DACH1: variants seen among roughly 807,000 people sequenced by gnomAD.
The protein encoded by DACH1 is dachshund homolog 1.
A neutral mutation model predicts 54.2 loss-of-function variants in DACH1; 12 were observed. The observed-to-expected ratio is 0.22, with a 90% CI of 0.14 to 0.36. The LOEUF (loss-of-function observed/expected upper bound fraction) is 0.36. Among genes scored for constraint, DACH1 ranks in the 10% least tolerant of loss-of-function variants. The pLI, the probability that DACH1 is intolerant of heterozygous loss-of-function variation, is 1.00. For missense variants in DACH1, 805 were observed against 929.8 expected (o/e 0.87, Z 1.75); for synonymous variants, 386 against 366.2 (o/e 1.05, Z -0.62).
intron 6 of DACH1, among the ~76,000 whole-genome samples, chr13:71,554,407 G>A (rs1884104747): frequency 6.6e-6 from 1 of 152,012 alleles, no homozygotes; most frequent in South Asian, 2.1e-4. Context: ...AAAATATTGG[G>A]AAACTGTCGG....
intron 1 of DACH1, among the ~76,000 whole-genome samples, chr13:71,769,719 T>C (rs1204063624): frequency 1.3e-5 from 2 of 151,702 alleles, no homozygotes; most frequent in Non-Finnish European, 3.0e-5. Context: ...TCTCACAGCA[T>C]TCGTTATTCT....
At chr13:71,669,930 C>G (rs749273693) in intron 2 of DACH1, among the ~76,000 whole-genome samples, 1 of 151,752 alleles carries the variant, frequency 6.6e-6, no homozygotes, top group Non-Finnish European at 1.5e-5. Context: ...AAGTTAGGAG[C>G]CAACTCACAA....
intron 2 of DACH1, among the ~76,000 whole-genome samples, chr13:71,670,332 G>A (rs17088384): frequency 0.014 from 2,097 of 152,130 alleles, 34 homozygotes; most frequent in African/African-American, 0.034. Flanking sequence ...CAATTAAATA[G>A]CTCAGCATAC....
intron 1 of DACH1, among the ~76,000 whole-genome samples, chr13:71,849,924 A>C (rs9542758): frequency 0.063 from 9,612 of 152,288 alleles, 342 homozygotes; most frequent in East Asian, 0.11. Context: ...CATAAGACTA[A>C]CAATGTGTAT....
chr13:71,812,639 G>A (rs28463814), intron 1 of DACH1, among the ~76,000 whole-genome samples: 3 of 151,868 alleles, frequency 2.0e-5, no homozygotes, highest in Admixed American at 6.6e-5. Flanking sequence ...TCCAATTAAC[G>A]CCAGCGTTTA....
intron 1 of DACH1, among the ~76,000 whole-genome samples, chr13:71,841,937 C>G (rs1014905499): frequency 7.2e-5 from 11 of 152,136 alleles, no homozygotes; most frequent in Non-Finnish European, 1.0e-4. Context: ...ATAGTTCAAC[C>G]TCCTTTCCCC....
chr13:71,718,597 A>G (rs1421265809), intron 1 of DACH1, among the ~76,000 whole-genome samples: 2 of 151,722 alleles, frequency 1.3e-5, no homozygotes, highest in Admixed American at 6.6e-5. Context: ...AAAAAATAGA[A>G]ATCTCTTTCT....
chr13:71,693,699 GAGAA>G (rs981452355), intron 1 of DACH1, among the ~76,000 whole-genome samples: 2 of 152,010 alleles, frequency 1.3e-5, no homozygotes, highest in Non-Finnish European at 2.9e-5. Context: ...CTCTGAATGA[GAGAA>G]AGAGAGGCCA....
intron 2 of DACH1, among the ~76,000 whole-genome samples, chr13:71,663,758 G>T (rs1879657670): frequency 6.6e-6 from 1 of 151,800 alleles, no homozygotes; most frequent in Non-Finnish European, 1.5e-5. Flanking sequence ...AGAGATTCTG[G>T]AGACTCCAGT....
At position 71,681,877 on chromosome 13, in the gene DACH1, T is replaced by C; in HGVS notation, c.882A>G (p.Gln294=). 2 of 1,613,684 alleles carry C rather than the reference T, an allele frequency of 1.2e-6. No individual in the cohort carries two copies. The highest frequency in any genetic ancestry group is 1.7e-6 in the Non-Finnish European group (2 of 1,179,746). ...GAGAGTTCTCTGGGGAGGTGACACT[T>C]TGAGTCCTCTTAGGAGGCCTTCCAG... is the stretch of plus-strand genomic sequence containing the variant. ...SRPGRPPKRT[Q]SVTSPENSHI... Residue 294 remains glutamine (Q), a synonymous_variant, in exon 2 of 11, where the codon CAA becomes CAG. Coordinates refer to ENST00000613252, the MANE Select transcript of DACH1 (RefSeq NM_080759.6).
chr13:71,739,819 T>C (rs1424538405), intron 1 of DACH1, among the ~76,000 whole-genome samples: 3 of 152,204 alleles, frequency 2.0e-5, no homozygotes, highest in Non-Finnish European at 4.4e-5. Context: ...TTAAGAATCA[T>C]AGAATGCTGT....
intron 1 of DACH1, among the ~76,000 whole-genome samples, chr13:71,798,989 C>A (rs1887175037): frequency 6.6e-6 from 1 of 152,072 alleles, no homozygotes. Context: ...TTTGTTTATA[C>A]ACACTTAATT....
chr13:71,741,180 A>T (rs1884364282), intron 1 of DACH1, among the ~76,000 whole-genome samples: 1 of 152,222 alleles, frequency 6.6e-6, no homozygotes, highest in Non-Finnish European at 1.5e-5. Context: ...AAGTTCAAAC[A>T]GTTTCTTGAA....
chr13:71,645,174 G>C (rs888682873), intron 2 of DACH1, among the ~76,000 whole-genome samples: 1 of 152,196 alleles, frequency 6.6e-6, no homozygotes, highest in African/African-American at 2.4e-5. Context: ...CCAAGTTTAG[G>C]AGGGGAAGCA....
intron 6 of DACH1, among the ~76,000 whole-genome samples, chr13:71,521,738 C>T (rs537719751): frequency 2.0e-5 from 3 of 152,200 alleles, no homozygotes; most frequent in East Asian, 1.9e-4. Flanking sequence ...AATGCCAAAT[C>T]GCCTACGCGG....
chr13:71,648,018 A>AT (rs1302200386), intron 2 of DACH1, among the ~76,000 whole-genome samples: 9 of 152,192 alleles, frequency 5.9e-5, no homozygotes, highest in African/African-American at 2.2e-4. Flanking sequence ...AGTGAATTTG[A>AT]TTTTTATATT....
intron 3 of DACH1, among the ~76,000 whole-genome samples, chr13:71,587,221 T>G (rs1156471819): frequency 6.6e-6 from 1 of 152,062 alleles, no homozygotes; most frequent in Non-Finnish European, 1.5e-5. Context: ...ACGTATTCAA[T>G]AAAGTGTGAT....
chr13:71,526,914 C>T (rs1011826802), intron 6 of DACH1, among the ~76,000 whole-genome samples: 9 of 151,452 alleles, frequency 5.9e-5, no homozygotes, highest in Non-Finnish European at 1.0e-4. Flanking sequence ...CAGAATGTGC[C>T]CTAGGCTCAG....
chr13:71,658,795 T>C (rs1879305340), intron 2 of DACH1, among the ~76,000 whole-genome samples: 1 of 152,208 alleles, frequency 6.6e-6, no homozygotes, highest in Non-Finnish European at 1.5e-5. Context: ...ATACCAAAAA[T>C]GTGTACATAG....
Sources: allele counts gnomAD v4.1 joint callset (sites outside exome capture counted in the v4.1 genomes callset), GRCh38; gene constraint gnomAD v4.1.1; transcripts MANE v1.5; gene names NCBI Gene and HGNC (gene_info 2026-07-23, HGNC 2026-07-21).